Variants in PARP1 observed in about 807,000 individuals in gnomAD.
PARP1 encodes poly(ADP-ribose) polymerase 1.
PARP1 carries 44 observed loss-of-function variants against 118.7 expected under a neutral mutation model. The ratio of observed to expected loss-of-function variants is 0.37; its 90% confidence interval spans 0.29 to 0.48. The LOEUF is 0.48. Ranked by LOEUF, PARP1 falls within the 20% of genes least tolerant of loss-of-function variation. PARP1 has a pLI of 0.99. For missense variants in PARP1, 1,100 were observed against 1,272.4 expected (o/e 0.86, Z 2.06); for synonymous variants, 492 against 483.2 (o/e 1.02, Z -0.24).
Position 226,373,016 on chromosome 1 carries a change from G to A in PARP1, c.2070+1210C>T, listed in dbSNP as rs112685249. Among the ~76,000 whole-genome samples, 7 of 152,228 alleles carry A rather than the reference G, an allele frequency of 4.6e-5. No individual in the cohort carries two copies. In the South Asian group the frequency reaches 1.4e-3, roughly 32 times the overall value. On this transcript the variant is annotated intron_variant, in intron 14 of 22. Transcript: ENST00000366794. Reference sequence around the variant, plus strand: ...CTGGCCATTTTTTAAACCCGTTAGAGGATGTAACTCAACACTCCACTCTAC... The same window carrying A: ...CTGGCCATTTTTTAAACCCGTTAGAAGATGTAACTCAACACTCCACTCTAC...
Position 226,365,127 on chromosome 1 carries a change from A to G in PARP1, c.2533T>C (p.Cys845Arg). 6.2e-7 allele frequency: 1 copy of G among 1,614,244 alleles called. No individual in the cohort carries two copies. Among genetic ancestry groups the G allele is most frequent in the Non-Finnish European group, 8.5e-7 (1 of 1,180,046 alleles). Residue 845 changes from cysteine to arginine, a missense_variant, in exon 19 of 23, where the codon TGC becomes CGC. Transcript: ENST00000366794. The part of the protein sequence containing the change: ...DIFKIEREGE[C>R]QRYKPFKQLH... Reference sequence around the variant, plus strand: ...TGCTTAAAGGGCTTGTAACGCTGGCATTCGCCTTCACGCTCTATCTTAAAG... The same window carrying G: ...TGCTTAAAGGGCTTGTAACGCTGGCGTTCGCCTTCACGCTCTATCTTAAAG...
chr1:226,387,963 C>G (rs1664747861), intron 5 of PARP1, among the ~76,000 whole-genome samples: 1 of 152,168 alleles, frequency 6.6e-6, no homozygotes, highest in Non-Finnish European at 1.5e-5. Flanking sequence ...TTTAGTACCA[C>G]TAGTAAAAAC....
chr1:226,406,289 A>G (rs1665145954), intron 1 of PARP1, among the ~76,000 whole-genome samples: 1 of 152,180 alleles, frequency 6.6e-6, no homozygotes. Flanking sequence ...TTTCTTATCT[A>G]AACTCATGGA....
chr1:226,363,272 C>A, intron 20 of PARP1, 112 bp from the exon 21 acceptor site: 1 of 799,298 alleles, frequency 1.3e-6, no homozygotes. Flanking sequence ...GTCCACAAAA[C>A]CCAGACCATC....
Position 226,361,259 on chromosome 1 carries a change from C to T in PARP1, c.*201G>A, listed in dbSNP as rs1246430544. The T allele has an allele frequency of 4.8e-6, 3 of 626,256 alleles. No homozygotes were observed. In the Admixed American group the frequency reaches 8.4e-5, roughly 17 times the overall value. The allele number at this position is 626,256 out of a possible 1,614,324, so 38.8% of individuals were successfully genotyped here. On this transcript the variant is annotated 3_prime_UTR_variant, in exon 23 of 23. Coordinates refer to ENST00000366794, the MANE Select transcript of PARP1 (RefSeq NM_001618.4). ...AAAAACAAAAACAACCCCAAAACAA[C>T]CCCTCCCCACAGACACAACACAAAA...
intron 12 of PARP1, among the ~76,000 whole-genome samples, chr1:226,378,486 C>A (rs1379418478): frequency 6.6e-6 from 1 of 151,890 alleles, no homozygotes; most frequent in East Asian, 1.9e-4. Context: ...CGCTTGCCAA[C>A]CTTTATTTGC....
chr1:226,374,656 G>T (rs1019107734), intron 13 of PARP1, among the ~76,000 whole-genome samples: 3 of 152,168 alleles, frequency 2.0e-5, no homozygotes, highest in Admixed American at 6.5e-5. Context: ...GTCCCTGCCT[G>T]GGAACCTGTC....
chr1:226,398,179 A>G (rs768669572), intron 2 of PARP1, among the ~76,000 whole-genome samples: 1 of 152,224 alleles, frequency 6.6e-6, no homozygotes, highest in Non-Finnish European at 1.5e-5. Context: ...TCACAAAATT[A>G]AGAACTTCTG....
At chr1:226,364,091 G>A (rs747271791) in intron 19 of PARP1, 21 bp from the exon 20 acceptor site, 8 of 1,613,202 alleles carry the variant, frequency 5.0e-6, no homozygotes, top group Non-Finnish European at 6.8e-6. Context: ...GGAAAAGGGA[G>A]AGCTGAGAAT....
chr1:226,382,915 G>T, intron 8 of PARP1, 121 bp downstream of exon 8: 1 of 1,123,806 alleles, frequency 8.9e-7, no homozygotes, highest in Non-Finnish European at 1.3e-6. Context: ...CTTCCCCATG[G>T]TGGGGTCAGC....
At chr1:226,369,145 G>A (rs1441379471) in intron 15 of PARP1, among the ~76,000 whole-genome samples, 2 of 152,362 alleles carry the variant, frequency 1.3e-5, no homozygotes, top group African/African-American at 2.4e-5. Flanking sequence ...AGCTGGGGCC[G>A]AGGAAAGCCT....
intron 21 of PARP1, among the ~76,000 whole-genome samples, chr1:226,362,552 C>T (rs1664165523): frequency 6.6e-6 from 1 of 152,210 alleles, no homozygotes; most frequent in African/African-American, 2.4e-5. Flanking sequence ...AGAACAGTGG[C>T]AGTACCCTCC....
At chr1:226,405,532 C>T (rs1438408242) in intron 1 of PARP1, among the ~76,000 whole-genome samples, 3 of 152,126 alleles carry the variant, frequency 2.0e-5, no homozygotes, top group African/African-American at 7.2e-5. Flanking sequence ...TCTCAAACTG[C>T]TGAGCTTAAG....
At position 226,379,919 on chromosome 1, in the gene PARP1, C is replaced by G; in HGVS notation, c.1543+3G>C. 6.2e-7 allele frequency: 1 copy of G among 1,613,444 alleles called. No homozygotes were observed. The highest frequency in any genetic ancestry group is 8.5e-7 in the Non-Finnish European group (1 of 1,179,996). On this transcript the variant is annotated splice_donor_region_variant and intron_variant, in intron 10 of 22. Coordinates refer to ENST00000366794, the MANE Select transcript of PARP1 (RefSeq NM_001618.4). ...CCTGGAGGGGGCAGCTTGGGGCCCT[C>G]ACCTTCCTCCTTGACCTGGCCCTTG...
At chr1:226,400,631 G>A (rs917353302) in intron 2 of PARP1, among the ~76,000 whole-genome samples, 27 of 152,244 alleles carry the variant, frequency 1.8e-4, no homozygotes, top group Non-Finnish European at 3.1e-4. Context: ...AACAAACACA[G>A]CACTGTCACC....
rs368040853 is a variant in PARP1, at chr1:226,399,536, G to C, written c.286+2678C>G. ...TTAGAGGGGAGGGAGGAATGACTAG[G>C]CAAAGCACAGAGATTTCCCAGGCAG... On this transcript the variant is annotated intron_variant, in intron 2 of 22. Transcript: ENST00000366794. Among the ~76,000 whole-genome samples, 8 of 152,266 alleles carry C rather than the reference G, an allele frequency of 5.3e-5. No homozygotes were observed. The East Asian group carries it at 9.7e-4, about 18-fold the overall frequency.
chr1:226,366,499 G>C (rs1664267113), intron 17 of PARP1: 3 of 208,002 alleles, frequency 1.4e-5, no homozygotes, highest in South Asian at 1.7e-4. Flanking sequence ...ACAAGCATCT[G>C]TCAAATAGCT....
chr1:226,383,016 C>A lies in PARP1; in HGVS notation c.1159+20G>T. The A allele has an allele frequency of 6.2e-7, 1 of 1,612,166 alleles. No individual in the cohort carries two copies. Among genetic ancestry groups the A allele is most frequent in the South Asian group, 1.1e-5 (1 of 90,990 alleles). ...AATTCCTGCAAAGCAGCTCTAAGAC[C>A]GGGGTCCCAAATGCTGTACCTGCTG... On this transcript the variant is annotated intron_variant, in intron 8 of 22. Coordinates refer to ENST00000366794, the MANE Select transcript of PARP1 (RefSeq NM_001618.4).
At chr1:226,388,876 T>C (rs992197813) in intron 4 of PARP1, 121 bp from the exon 5 acceptor site, 2 of 804,362 alleles carry the variant, frequency 2.5e-6, no homozygotes, top group Non-Finnish European at 2.2e-6. Flanking sequence ...CTACTCACAC[T>C]TGTCACTCCC....
Sources: gnomAD v4.1 joint callset for allele counts (sites outside exome capture counted in the v4.1 genomes callset) on GRCh38, gnomAD v4.1.1 for gene constraint, MANE v1.5 for transcripts, NCBI Gene and HGNC (gene_info 2026-07-23, HGNC 2026-07-21) for gene names.